Variants in FBXL5 observed in about 807,000 individuals in gnomAD.
FBXL5 encodes the protein F-box and leucine rich repeat protein 5.
In FBXL5, 26 loss-of-function variants were observed where a neutral mutation model predicts 78.3. That is an observed-to-expected ratio of 0.33 (90% CI 0.24 to 0.46). The LOEUF is 0.46. FBXL5 is among the 20% of genes least tolerant of loss of function. The pLI, the probability that FBXL5 is intolerant of heterozygous loss-of-function variation, is 1.00. For missense variants in FBXL5, 710 were observed against 829.2 expected (o/e 0.86, Z 1.77); for synonymous variants, 295 against 282.5 (o/e 1.04, Z -0.45).
intron 1 of FBXL5, among the ~76,000 whole-genome samples, chr4:15,651,404 T>A (rs2148710338): frequency 6.6e-6 from 1 of 152,312 alleles, no homozygotes; most frequent in East Asian, 1.9e-4. Flanking sequence ...CAACTTTAAA[T>A]GAAGGATAAT....
At chr4:15,675,264 C>T (rs1172206353) in intron 1 of FBXL5, among the ~76,000 whole-genome samples, 1 of 151,938 alleles carries the variant, frequency 6.6e-6, no homozygotes. Context: ...TTAATTTATA[C>T]TTAACATTTA....
chr4:15,630,902 C>G (rs1453317255), intron 5 of FBXL5, 111 bp from the exon 6 acceptor site: 2 of 1,364,688 alleles, frequency 1.5e-6, no homozygotes, highest in Non-Finnish European at 2.0e-6. Context: ...AACATCTGAG[C>G]CCTAGGCAAT....
chr4:15,633,079 C>A (rs1409333937), intron 5 of FBXL5, among the ~76,000 whole-genome samples: 1 of 152,052 alleles, frequency 6.6e-6, no homozygotes, highest in Non-Finnish European at 1.5e-5. Context: ...CTGAAATAAG[C>A]AAAGGATTCC....
intron 8 of FBXL5, among the ~76,000 whole-genome samples, chr4:15,626,348 A>T (rs1227640315): frequency 6.6e-6 from 1 of 152,208 alleles, no homozygotes; most frequent in African/African-American, 2.4e-5. Flanking sequence ...AGGAAGATGG[A>T]GCATTAGCTT....
intron 2 of FBXL5, among the ~76,000 whole-genome samples, chr4:15,641,829 C>T (rs981384220): frequency 1.3e-5 from 2 of 151,994 alleles, no homozygotes; most frequent in Non-Finnish European, 2.9e-5. Flanking sequence ...GAGTTCAAGA[C>T]CAGCCAGCCC....
At chr4:15,678,807 C>G (rs1718088366) in intron 1 of FBXL5, among the ~76,000 whole-genome samples, 1 of 152,072 alleles carries the variant, frequency 6.6e-6, no homozygotes, top group Non-Finnish European at 1.5e-5. Context: ...CTTCATTTTT[C>G]TCATTATCTT....
chr4:15,644,292 G>A (rs747440493), intron 2 of FBXL5, among the ~76,000 whole-genome samples: 6 of 152,056 alleles, frequency 3.9e-5, no homozygotes, highest in African/African-American at 1.2e-4. Context: ...ATTCACCGTC[G>A]GGACTGATCT....
intron 9 of FBXL5, among the ~76,000 whole-genome samples, chr4:15,617,840 G>A (rs1164167407): frequency 2.6e-5 from 4 of 152,178 alleles, no homozygotes; most frequent in Admixed American, 2.6e-4. Flanking sequence ...AGAGGATCAG[G>A]AAGAATAGCT....
intron 1 of FBXL5, among the ~76,000 whole-genome samples, chr4:15,679,313 A>G (rs528041696): frequency 6.6e-6 from 1 of 152,208 alleles, no homozygotes; most frequent in Admixed American, 6.5e-5. Flanking sequence ...CGGCCTCTCA[A>G]AGTGCTGGGA....
At chr4:15,668,723 A>G (rs1717645075) in intron 1 of FBXL5, among the ~76,000 whole-genome samples, 1 of 152,236 alleles carries the variant, frequency 6.6e-6, no homozygotes, top group Admixed American at 6.5e-5. Flanking sequence ...AAGGAAAAAA[A>G]TACATTCAAG....
At position 15,640,895 on chromosome 4, in the gene FBXL5, A is replaced by T. The variant is rs760918309; in HGVS notation, c.301-12T>A. On this transcript the variant is annotated splice_polypyrimidine_tract_variant and intron_variant, in intron 2 of 10. Transcript: ENST00000341285. ...TGTTCATATTCATTCTGGAAACCAA[A>T]AAAAAAATACATTTTTATAAAAGTT... The T allele has an allele frequency of 6.7e-6, 9 of 1,344,872 alleles. No homozygotes were observed. In the African/African-American group the frequency reaches 1.2e-4, roughly 18 times the overall value. 83.3% of individuals were successfully genotyped at this position (1,344,872 alleles called of 1,614,324 possible).
Position 15,638,537 on chromosome 4 carries a change from T to A in FBXL5, c.554A>T (p.Lys185Ile). The change falls in exon 4 of 11, where the codon AAA becomes ATA. Residue 185 changes from lysine (K) to isoleucine (I), a missense_variant. Transcript: ENST00000341285. Reference protein sequence around the residue: ...NHAEERQKFFKYSVDEKSDKE... With the variant: ...NHAEERQKFFIYSVDEKSDKE... Reference sequence around the variant, plus strand: ...ATCTGACTTTTCATCCACGGAATATTTAAAAAACTTCTGTCGCTCTTCAGC... The same window carrying A: ...ATCTGACTTTTCATCCACGGAATATATAAAAAACTTCTGTCGCTCTTCAGC... 1.3e-6 allele frequency: 2 copies of A among 1,595,530 alleles called. No homozygotes were observed. The highest frequency in any genetic ancestry group is 1.7e-6 in the Non-Finnish European group (2 of 1,175,580).
intron 1 of FBXL5, among the ~76,000 whole-genome samples, chr4:15,670,212 A>G (rs909022620): frequency 6.6e-6 from 1 of 152,236 alleles, no homozygotes; most frequent in South Asian, 2.1e-4. Flanking sequence ...GGTCATTACA[A>G]ATAGAGCTAC....
chr4:15,636,080 A>T (rs891507813), intron 5 of FBXL5, among the ~76,000 whole-genome samples: 4 of 152,028 alleles, frequency 2.6e-5, no homozygotes, highest in East Asian at 1.9e-4. Context: ...TCTGTATTTT[A>T]AAAATATTCA....
chr4:15,655,582 T>TCTTTC (rs1427880737), upstream of FBXL5, among the ~76,000 whole-genome samples: 1 of 152,196 alleles, frequency 6.6e-6, no homozygotes, highest in Non-Finnish European at 1.5e-5. Flanking sequence ...TTTCCCTGTT[T>TCTTTC]CTTTCACTAC....
chr4:15,635,559 G>C (rs989133560), intron 5 of FBXL5, among the ~76,000 whole-genome samples: 11 of 151,928 alleles, frequency 7.2e-5, no homozygotes, highest in African/African-American at 1.2e-4. Context: ...TTCGAGACCA[G>C]CCTGATCAAC....
rs936568289 is a variant in FBXL5 at position 15,676,260 on chromosome 4, A to G, written c.-284+5123T>C. On this transcript the variant is annotated intron_variant, in intron 1 of 4. Coordinates refer to the FBXL5 transcript ENST00000507899. The stretch of plus-strand genomic sequence containing the variant: ...ATAGGATGTTTATAAACTACCGCAT[A>G]AAAAGCATAAGAAGTAGTCAAACCT... Among the ~76,000 whole-genome samples the G allele has an allele frequency of 4.3e-4, 66 of 152,340 alleles. 1 individual carries two copies. The highest frequency in any genetic ancestry group is 1.6e-3 in the African/African-American group (66 of 41,576).
chr4:15,623,777 GAA>G lies in FBXL5; in HGVS notation c.1850+1473_1850+1474del, dbSNP rs1412316116. The stretch of plus-strand genomic sequence containing the variant: ...CCACAGTTATACCAGTTACCTCGGG[GAA>G]AACACTTTTGGTTACTGTATATGAC... On this transcript the variant is annotated intron_variant, in intron 9 of 10. Coordinates refer to ENST00000341285, the MANE Select transcript of FBXL5 (RefSeq NM_012161.4). Among the ~76,000 whole-genome samples the G allele has an allele frequency of 2.0e-5, 3 of 151,674 alleles. No homozygotes were observed. The East Asian group carries it at 5.8e-4, about 29-fold the overall frequency.
chr4:15,674,500 C>T (rs773276207), intron 1 of FBXL5, among the ~76,000 whole-genome samples: 9 of 152,016 alleles, frequency 5.9e-5, no homozygotes, highest in Non-Finnish European at 1.0e-4. Context: ...CTCCATTTTA[C>T]GTTTATATAT....
Sources: gnomAD v4.1 joint callset for allele counts (sites outside exome capture counted in the v4.1 genomes callset) on GRCh38, gnomAD v4.1.1 for gene constraint, MANE v1.5 for transcripts, NCBI Gene and HGNC (gene_info 2026-07-23, HGNC 2026-07-21) for gene names.